PVT1: variants seen among roughly 807,000 people sequenced by gnomAD.
The protein encoded by PVT1 is CXCR4/PVT1 fusion.
intron 2 of PVT1, among the ~76,000 whole-genome samples, chr8:127,805,453 G>C (rs1417234055): frequency 1.3e-5 from 2 of 152,134 alleles, no homozygotes; most frequent in African/African-American, 4.8e-5. Flanking sequence ...TGGTTCATGA[G>C]ATTTGCACAG....
chr8:127,908,670 C>T (rs1056267317), intron 3 of PVT1, among the ~76,000 whole-genome samples: 20 of 152,204 alleles, frequency 1.3e-4, no homozygotes, highest in African/African-American at 4.6e-4. Flanking sequence ...CTTGATGGGA[C>T]TCCCGGCTAA....
intron 3 of PVT1, chr8:127,939,961 G>C (rs967465936): frequency 6.6e-6 from 1 of 152,156 alleles, no homozygotes; most frequent in Non-Finnish European, 1.5e-5. Flanking sequence ...GAGACTCTGC[G>C]TCAGGCCTGA....
intron 5 of PVT1, among the ~76,000 whole-genome samples, chr8:128,094,152 A>G (rs1488483407): frequency 1.3e-5 from 2 of 152,222 alleles, no homozygotes; most frequent in Admixed American, 6.5e-5. Flanking sequence ...CTTCTAAAAC[A>G]GGGGTCAGCA....
In PVT1 at chr8:128,021,536, G is replaced by A. The variant is rs145730285; in HGVS notation, n.912+32245G>A. Among the ~76,000 whole-genome samples the A allele has an allele frequency of 8.4e-3, 1,284 of 151,982 alleles. 20 individuals are homozygous for A. Among genetic ancestry groups the A allele is most frequent in the African/African-American group, 0.029 (1,205 of 41,434 alleles). ...TCTTGATCTCCTGACTTCGTGATCC[G>A]CCCTCCTCGGCCTCCCAAAGTGCTG... is the stretch of plus-strand genomic sequence containing the variant. On this transcript the variant is annotated intron_variant and non_coding_transcript_variant, in intron 4 of 10. Coordinates refer to ENST00000651587, the Ensembl canonical transcript of PVT1.
intron 3 of PVT1, among the ~76,000 whole-genome samples, chr8:127,922,446 G>A (rs775812230): frequency 2.6e-5 from 4 of 152,080 alleles, no homozygotes; most frequent in Non-Finnish European, 4.4e-5. Context: ...TTTTAAGTGG[G>A]TTCTTTTCTG....
chr8:128,048,803 G>A (rs1302650406), intron 4 of PVT1, among the ~76,000 whole-genome samples: 2 of 152,234 alleles, frequency 1.3e-5, no homozygotes, highest in African/African-American at 2.4e-5. Flanking sequence ...AGAGGAAGGC[G>A]AAAGCGCTTA....
chr8:128,033,804 GC>G (rs1813427603), intron 4 of PVT1, among the ~76,000 whole-genome samples: 1 of 152,162 alleles, frequency 6.6e-6, no homozygotes, highest in African/African-American at 2.4e-5. Context: ...CCATGGCATA[GC>G]CCCAGGGAGT....
chr8:127,994,423 A>T (rs969783122), intron 4 of PVT1, among the ~76,000 whole-genome samples: 4 of 152,136 alleles, frequency 2.6e-5, no homozygotes, highest in Admixed American at 6.5e-5. Flanking sequence ...CTTTCCTGTT[A>T]TGAGTCAGTT....
intron 3 of PVT1, among the ~76,000 whole-genome samples, chr8:127,945,194 T>C (rs565254892): frequency 7.2e-5 from 11 of 152,294 alleles, no homozygotes; most frequent in African/African-American, 2.6e-4. Context: ...TTTTTTCTTT[T>C]CTTTCTTTCT....
intron 3 of PVT1, among the ~76,000 whole-genome samples, chr8:127,911,366 C>T (rs1246472135): frequency 1.3e-5 from 2 of 152,228 alleles, no homozygotes; most frequent in Non-Finnish European, 2.9e-5. Flanking sequence ...CTCCTGTGTG[C>T]AGTTGCTCTG....
intron 4 of PVT1, among the ~76,000 whole-genome samples, chr8:128,015,084 TTTATTTA>T (rs1302728083): frequency 6.8e-4 from 101 of 148,294 alleles, no homozygotes; most frequent in African/African-American, 2.6e-3. Context: ...TATTTATTTA[TTTATTTA>T]TTATTTATTT....
intron 4 of PVT1, among the ~76,000 whole-genome samples, chr8:128,035,410 C>A (rs1251412131): frequency 6.6e-6 from 1 of 152,180 alleles, no homozygotes; most frequent in Admixed American, 6.5e-5. Context: ...TGGACCTGAG[C>A]CCATCTGTCT....
At chr8:127,824,595 T>C (rs867998400) in intron 2 of PVT1, among the ~76,000 whole-genome samples, 1 of 152,270 alleles carries the variant, frequency 6.6e-6, no homozygotes, top group African/African-American at 2.4e-5. Flanking sequence ...TAAGTCGTGT[T>C]AACGCAATTG....
At chr8:128,046,130 A>G (rs1813609126) in intron 4 of PVT1, among the ~76,000 whole-genome samples, 1 of 152,228 alleles carries the variant, frequency 6.6e-6, no homozygotes, top group African/African-American at 2.4e-5. Flanking sequence ...ACTCTTGCTC[A>G]GATTCATAGC....
rs544950390 is a variant in PVT1 at position 127,956,209 on chromosome 8, G to C, written n.783-32953G>C. Reference sequence around the variant, plus strand: ...CTCAGCTGTTCCAGGTTGAGCCTTAGTGCTTGTTCCACAGGAAGGATGGTG... The same window carrying C: ...CTCAGCTGTTCCAGGTTGAGCCTTACTGCTTGTTCCACAGGAAGGATGGTG... On this transcript the variant is annotated intron_variant and non_coding_transcript_variant, in intron 3 of 10. Transcript: ENST00000651587. Among the ~76,000 whole-genome samples, 8 of 152,378 alleles carry C rather than the reference G, an allele frequency of 5.3e-5. No individual in the cohort carries two copies. In the East Asian group the frequency reaches 1.5e-3, roughly 29 times the overall value.
chr8:127,995,494 A>G (rs16902512), intron 4 of PVT1, among the ~76,000 whole-genome samples: 42,140 of 152,030 alleles, frequency 0.28, 6,052 homozygotes, highest in East Asian at 0.45. Context: ...TTCTTTGTTC[A>G]TTTCTTTAAT....
In PVT1 at chr8:127,834,722, GA is replaced by G. The variant is rs558900244; in HGVS notation, n.372+38657del. ...CTACAAAGAACTTAAATTTACAGGG[GA>G]AAAAACAAACAAACAAACAAACAAA... On this transcript the variant is annotated intron_variant and non_coding_transcript_variant, in intron 2 of 10. Coordinates refer to ENST00000651587, the Ensembl canonical transcript of PVT1. Among the ~76,000 whole-genome samples, 19 of 151,902 alleles carry G rather than the reference GA, an allele frequency of 1.3e-4. No homozygotes were observed. The East Asian group carries it at 2.9e-3, about 23-fold the overall frequency.
intron 4 of PVT1, among the ~76,000 whole-genome samples, chr8:128,008,084 G>A (rs921925861): frequency 6.6e-6 from 1 of 152,292 alleles, no homozygotes; most frequent in East Asian, 1.9e-4. Flanking sequence ...TTAGAAATTG[G>A]CCATGTGACA....
intron 4 of PVT1, among the ~76,000 whole-genome samples, chr8:128,043,607 C>A (rs942633342): frequency 1.3e-5 from 2 of 152,126 alleles, no homozygotes; most frequent in Non-Finnish European, 2.9e-5. Context: ...CTGTCTCTGG[C>A]TCTGTGGACT....
Sources: allele counts gnomAD v4.1 joint callset (sites outside exome capture counted in the v4.1 genomes callset), GRCh38; gene constraint gnomAD v4.1.1; transcripts MANE v1.5; gene names NCBI Gene and HGNC (gene_info 2026-07-23, HGNC 2026-07-21).